The following PPP3CA variants were observed in gnomAD, a reference collection of about 807,000 sequenced individuals.
PPP3CA encodes CAM-PRP catalytic subunit.
In PPP3CA, 14 loss-of-function variants were observed where a neutral mutation model predicts 66.5. That is an observed-to-expected ratio of 0.21 (90% CI 0.14 to 0.33). PPP3CA has a LOEUF of 0.33. PPP3CA is among the 10% of genes least tolerant of loss of function. The pLI is 1.00. For missense variants in PPP3CA, 317 were observed against 639.5 expected (o/e 0.50, Z 5.44); for synonymous variants, 232 against 226.2 (o/e 1.03, Z -0.23).
chr4:101,087,588 G>A (rs1018633722), intron 6 of PPP3CA, among the ~76,000 whole-genome samples: 3 of 151,830 alleles, frequency 2.0e-5, no homozygotes, highest in Non-Finnish European at 1.5e-5. Context: ...GGTCACTATC[G>A]GCTTCTTTCA....
intron 6 of PPP3CA, among the ~76,000 whole-genome samples, 154 bp downstream of exon 6, chr4:101,093,622 C>A (rs182691201): frequency 5.8e-4 from 89 of 152,208 alleles, no homozygotes; most frequent in African/African-American, 2.1e-3. Context: ...CTCACTTATT[C>A]ATTTATTTAT....
intron 2 of PPP3CA, among the ~76,000 whole-genome samples, chr4:101,179,947 A>G (rs556626827): frequency 2.0e-4 from 31 of 152,262 alleles, no homozygotes; most frequent in Middle Eastern, 6.8e-3. Context: ...GTAAAATATT[A>G]TTTATATGAA....
intron 1 of PPP3CA, among the ~76,000 whole-genome samples, chr4:101,270,905 C>T (rs930603635): frequency 6.6e-6 from 1 of 152,114 alleles, no homozygotes; most frequent in Admixed American, 6.6e-5. Flanking sequence ...GTTCCATAAA[C>T]TACATGTAAA....
At chr4:101,207,589 G>C (rs954036718) in intron 1 of PPP3CA, among the ~76,000 whole-genome samples, 1 of 152,216 alleles carries the variant, frequency 6.6e-6, no homozygotes, top group African/African-American at 2.4e-5. Flanking sequence ...AGCACTGGGA[G>C]GCCGAGGTGG....
chr4:101,149,915 T>C (rs184946715), intron 2 of PPP3CA, among the ~76,000 whole-genome samples: 2 of 152,238 alleles, frequency 1.3e-5, no homozygotes, highest in East Asian at 1.9e-4. Context: ...ACTGCCCACA[T>C]ACAGCTGTTA....
intron 2 of PPP3CA, among the ~76,000 whole-genome samples, chr4:101,150,711 C>G (rs1428809193): frequency 6.6e-6 from 1 of 152,104 alleles, no homozygotes; most frequent in Admixed American, 6.5e-5. Flanking sequence ...GTTAATAAAG[C>G]TGTATAGAAG....
At chr4:101,201,404 T>A (rs1724963260) in intron 1 of PPP3CA, among the ~76,000 whole-genome samples, 1 of 152,258 alleles carries the variant, frequency 6.6e-6, no homozygotes, top group Non-Finnish European at 1.5e-5. Flanking sequence ...CTAGAGATTC[T>A]GATTTAACTG....
At chr4:101,269,785 A>G (rs1415288546) in intron 1 of PPP3CA, among the ~76,000 whole-genome samples, 1 of 152,164 alleles carries the variant, frequency 6.6e-6, no homozygotes, top group Non-Finnish European at 1.5e-5. Context: ...AAGACAACAT[A>G]TAAGTATTTG....
At chr4:101,303,916 T>C (rs1728457194) in intron 1 of PPP3CA, among the ~76,000 whole-genome samples, 1 of 152,210 alleles carries the variant, frequency 6.6e-6, no homozygotes, top group African/African-American at 2.4e-5. Context: ...TTCTATATCT[T>C]CACTGGTCAA....
intron 10 of PPP3CA, among the ~76,000 whole-genome samples, chr4:101,042,600 C>T (rs1409219071): frequency 3.3e-5 from 5 of 152,036 alleles, no homozygotes; most frequent in Admixed American, 6.5e-5. Flanking sequence ...ATTAGTCTCT[C>T]GGTCAGAACA....
chr4:101,260,350 T>C (rs939826371), intron 1 of PPP3CA, among the ~76,000 whole-genome samples: 47 of 152,134 alleles, frequency 3.1e-4, no homozygotes, highest in African/African-American at 1.1e-3. Context: ...TCCTTTCTGG[T>C]CTTACAGAAC....
intron 2 of PPP3CA, among the ~76,000 whole-genome samples, chr4:101,184,265 C>G (rs750274280): frequency 3.3e-5 from 5 of 152,102 alleles, no homozygotes; most frequent in Non-Finnish European, 7.4e-5. Flanking sequence ...AGAAACTATC[C>G]AGGTCCTGAG....
chr4:101,286,318 A>C (rs1210814397), intron 1 of PPP3CA, among the ~76,000 whole-genome samples: 2 of 152,228 alleles, frequency 1.3e-5, no homozygotes. Context: ...AAATATGCTA[A>C]AGCAAATAAA....
Position 101,036,064 on chromosome 4 carries a change from A to G in PPP3CA, c.1242-3700T>C, listed in dbSNP as rs187245990. 2.1e-3 allele frequency among the ~76,000 whole-genome samples: 316 copies of G among 152,356 alleles called. 2 individuals carry two copies. The highest frequency in any genetic ancestry group is 7.3e-3 in the African/African-American group (304 of 41,584). ...TTAAGATGTGCTGTAAGTGTAAAAT[A>G]CACATGGGATTTCAAAGATGTAGTA... is the stretch of plus-strand genomic sequence containing the variant. On this transcript the variant is annotated intron_variant, in intron 11 of 13. Transcript: ENST00000394854.
chr4:101,056,888 T>C (rs915515360), intron 10 of PPP3CA, among the ~76,000 whole-genome samples: 1 of 151,644 alleles, frequency 6.6e-6, no homozygotes, highest in Non-Finnish European at 1.5e-5. Context: ...ATAAACAGTA[T>C]TCCCAAAGAA....
intron 2 of PPP3CA, among the ~76,000 whole-genome samples, chr4:101,147,837 A>G (rs903650200): frequency 6.6e-6 from 1 of 152,162 alleles, no homozygotes; most frequent in Non-Finnish European, 1.5e-5. Context: ...TCAAATTAGA[A>G]ACTATAAAAT....
intron 11 of PPP3CA, among the ~76,000 whole-genome samples, chr4:101,033,293 A>ACAC (rs1727088936): frequency 7.2e-6 from 1 of 139,270 alleles, no homozygotes; most frequent in Admixed American, 7.2e-5. Context: ...CACACACACA[A>ACAC]ACACACACAC....
At chr4:101,094,099 T>C (rs931493703) in intron 5 of PPP3CA, among the ~76,000 whole-genome samples, 184 bp from the exon 6 acceptor site, 3 of 152,092 alleles carry the variant, frequency 2.0e-5, no homozygotes, top group Non-Finnish European at 2.9e-5. Context: ...ATCCTTCATC[T>C]CTCTCCAATT....
chr4:101,245,090 A>AT (rs910897180), intron 1 of PPP3CA, among the ~76,000 whole-genome samples: 7 of 152,076 alleles, frequency 4.6e-5, no homozygotes, highest in Admixed American at 6.6e-5. Flanking sequence ...GTCCGAATAG[A>AT]TTTTTTTTAA....
Sources: allele counts gnomAD v4.1 joint callset (sites outside exome capture counted in the v4.1 genomes callset), GRCh38; gene constraint gnomAD v4.1.1; transcripts MANE v1.5; gene names NCBI Gene and HGNC (gene_info 2026-07-23, HGNC 2026-07-21).